KRTAP13-4: variants seen among roughly 807,000 people sequenced by gnomAD.
The protein encoded by KRTAP13-4 is keratin associated protein 13-4, also known as keratin-associated protein 13-4.
For missense variants in KRTAP13-4, 198 were observed against 189.6 expected, an observed-to-expected ratio of 1.04 and a Z score of -0.26; for synonymous variants, 80 against 77.2, an observed-to-expected ratio of 1.04 and a Z score of -0.19.
chr21:30,430,345 T>C (rs903228794), exon 1 of KRTAP13-4: 4 of 1,614,014 alleles, frequency 2.5e-6, no homozygotes, highest in Non-Finnish European at 2.5e-6. Context: ...CTACCCAGGC[T>C]CCTACCCCAG....
exon 1 of KRTAP13-4, chr21:30,430,509 G>C: frequency 1.9e-6 from 3 of 1,614,200 alleles, no homozygotes; most frequent in Non-Finnish European, 1.7e-6. Context: ...GTCCCTGTCA[G>C]ACGACTTGCT....
At chr21:30,430,523 G>A (rs762715213) in exon 1 of KRTAP13-4, 1 of 1,614,072 alleles carries the variant, frequency 6.2e-7, no homozygotes, top group East Asian at 2.2e-5. Flanking sequence ...ACTTGCTCTG[G>A]ATCTCTAGGC....
exon 1 of KRTAP13-4, chr21:30,430,998 T>C (rs1402889550): frequency 5.0e-6 from 2 of 401,828 alleles, no homozygotes. Context: ...AATTTTAATC[T>C]AATAAATGTA....
In KRTAP13-4 at chr21:30,430,335, C is replaced by T. The variant is rs763861376; in HGVS notation, c.60C>T (p.Tyr20=). The stretch of plus-strand genomic sequence containing the variant: ...CCCGCTCCTTTGGGGGCTACCTGTA[C>T]TACCCAGGCTCCTACCCCAGCAGCC... The change falls in exon 1 of 1, where the codon TAC becomes TAT. Residue 20 remains tyrosine (Y), a synonymous_variant. Coordinates refer to ENST00000334068, the Ensembl canonical transcript of KRTAP13-4. 4 of 1,613,896 alleles carry T rather than the reference C, an allele frequency of 2.5e-6. No individual in the cohort carries two copies. The South Asian group carries it at 4.4e-5, about 18-fold the overall frequency.
At chr21:30,430,460 A>G in exon 1 of KRTAP13-4, 4 of 1,614,048 alleles carry the variant, frequency 2.5e-6, no homozygotes, top group Non-Finnish European at 3.4e-6. Context: ...GCCAGCTGCC[A>G]GAAATCCTGC....
chr21:30,430,997 C>A, exon 1 of KRTAP13-4: 1 of 405,826 alleles, frequency 2.5e-6, no homozygotes. Flanking sequence ...AAATTTTAAT[C>A]TAATAAATGT....
exon 1 of KRTAP13-4, chr21:30,430,282 T>C (rs201851905): frequency 6.2e-6 from 10 of 1,607,022 alleles, no homozygotes; most frequent in Non-Finnish European, 6.8e-6. Context: ...CAGCATGTCC[T>C]ACAACTGCTG....
exon 1 of KRTAP13-4, chr21:30,430,753 T>C: frequency 1.2e-6 from 2 of 1,603,336 alleles, no homozygotes; most frequent in Non-Finnish European, 1.7e-6. Flanking sequence ...TCAATTCACC[T>C]GCTAAATTTC....
chr21:30,430,434 G>A, exon 1 of KRTAP13-4: 1 of 1,614,044 alleles, frequency 6.2e-7, no homozygotes, highest in Non-Finnish European at 8.5e-7. Flanking sequence ...ACTGTCAGAA[G>A]ACCTGCTGGG....
chr21:30,430,241 A>G, exon 1 of KRTAP13-4: 2 of 1,540,382 alleles, frequency 1.3e-6, no homozygotes, highest in South Asian at 2.5e-5. Flanking sequence ...GAATCTTCTT[A>G]GGTACACTCA....
At chr21:30,430,710 T>C in exon 1 of KRTAP13-4, 3 of 1,614,146 alleles carry the variant, frequency 1.9e-6, no homozygotes, top group Non-Finnish European at 2.5e-6. Flanking sequence ...GGCAGTCTTC[T>C]TGTTACAGAC....
chr21:30,430,400 A>G (rs911933790), exon 1 of KRTAP13-4: 7 of 1,614,160 alleles, frequency 4.3e-6, no homozygotes, highest in Non-Finnish European at 5.9e-6. Context: ...AGCACCTGCC[A>G]GCTGCGTTCC....
At chr21:30,430,353 C>G in exon 1 of KRTAP13-4, 1 of 1,613,914 alleles carries the variant, frequency 6.2e-7, no homozygotes, top group Admixed American at 1.7e-5. Context: ...GCTCCTACCC[C>G]AGCAGCCTGG....
At chr21:30,430,642 C>T (rs76547537) in exon 1 of KRTAP13-4, 2 of 1,614,180 alleles carry the variant, frequency 1.2e-6, no homozygotes, top group Non-Finnish European at 1.7e-6. Flanking sequence ...CTGTGGTTTT[C>T]CTTCCCTGAG....
At chr21:30,430,530 A>G in exon 1 of KRTAP13-4, 1 of 1,614,038 alleles carries the variant, frequency 6.2e-7, no homozygotes, top group Non-Finnish European at 8.5e-7. Context: ...CTGGATCTCT[A>G]GGCTTTCGGT....
exon 1 of KRTAP13-4, chr21:30,430,253 C>T: frequency 1.9e-6 from 3 of 1,571,514 alleles, no homozygotes; most frequent in South Asian, 2.4e-5. Context: ...GTACACTCAG[C>T]TGAACTCCCA....
exon 1 of KRTAP13-4, chr21:30,430,454 G>C (rs1290503320): frequency 6.2e-7 from 1 of 1,613,990 alleles, no homozygotes; most frequent in Non-Finnish European, 8.5e-7. Flanking sequence ...GAGCCCGCCA[G>C]CTGCCAGAAA....
At chr21:30,430,456 T>C (rs768166256) in exon 1 of KRTAP13-4, 11 of 1,613,924 alleles carry the variant, frequency 6.8e-6, no homozygotes, top group Non-Finnish European at 7.6e-6. Context: ...GCCCGCCAGC[T>C]GCCAGAAATC....
rs145435760 is a variant in KRTAP13-4 at position 30,430,491 on chromosome 21, C to T, written c.216C>T (p.Ile72=). The T allele has an allele frequency of 2.3e-5, 37 of 1,614,102 alleles. No individual in the cohort carries two copies. In the African/African-American group the frequency reaches 4.7e-4, roughly 20 times the overall value. The change falls in exon 1 of 1, where the codon ATC becomes ATT. Residue 72 remains isoleucine, a synonymous_variant. Transcript: ENST00000334068. ...CCTGCTACCGCCCCAGGACCTCCAT[C>T]CTCTGCTGTCCCTGTCAGACGACTT...
Sources: allele counts gnomAD v4.1 joint callset, GRCh38; gene constraint gnomAD v4.1.1; transcripts MANE v1.5; gene names NCBI Gene and HGNC (gene_info 2026-07-23, HGNC 2026-07-21).